Variants in DIPK2B observed in about 807,000 individuals in gnomAD.
DIPK2B encodes UPF0672 protein CXorf36.
A neutral mutation model predicts 22.2 loss-of-function variants in DIPK2B; 15 were observed. The observed-to-expected ratio is 0.68, with a 90% CI of 0.45 to 1.04. The LOEUF is 1.04. Among genes scored for constraint, DIPK2B ranks in the 50% least tolerant of loss-of-function variants. The probability of loss-of-function intolerance (pLI) is 0.00; values close to 1 mark genes in which losing one functional copy is unlikely to be tolerated. For missense variants in DIPK2B, 345 were observed against 348.3 expected, an observed-to-expected ratio of 0.99 and a Z score of 0.08; for synonymous variants, 163 against 153.2, an observed-to-expected ratio of 1.06 and a Z score of -0.47.
At chrX:45,194,317 T>C (rs867273410) in intron 1 of DIPK2B, among the ~76,000 whole-genome samples, 1 of 110,578 alleles carries the variant, frequency 9.0e-6, no homozygotes, top group Non-Finnish European at 1.9e-5. Flanking sequence ...TGGCGCAGTC[T>C]TGGTTCACTG....
chrX:45,162,307 T>C (rs1277921657), intron 2 of DIPK2B: 47 of 670,280 alleles, frequency 7.0e-5, no homozygotes, highest in Non-Finnish European at 7.8e-5. Flanking sequence ...TAAATGATTG[T>C]TGTTTTAAGC....
intron 2 of DIPK2B, among the ~76,000 whole-genome samples, chrX:45,179,008 C>T (rs755645892): frequency 2.1e-4 from 23 of 111,215 alleles, no homozygotes; most frequent in Admixed American, 5.8e-4. Flanking sequence ...ACAAACAAAG[C>T]CTAAAATCCA....
At chrX:45,156,922 TCTC>T (rs1259777925) in intron 3 of DIPK2B, among the ~76,000 whole-genome samples, 1 of 107,812 alleles carries the variant, frequency 9.3e-6, no homozygotes, top group Non-Finnish European at 1.9e-5. Context: ...TTCCTTTCCC[TCTC>T]CTCCTCTCCC....
Position 45,154,053 on chromosome X carries a change from C to A in DIPK2B, c.818G>T (p.Gly273Val), listed in dbSNP as rs760051105. 2.5e-6 allele frequency: 3 copies of A among 1,209,100 alleles called. No individual in the cohort carries two copies. Among genetic ancestry groups the A allele is most frequent in the African/African-American group, 3.5e-5 (2 of 56,869 alleles). Residue 273 changes from glycine to valine, a missense_variant, in exon 4 of 5, where the codon GGT (glycine) becomes GTT (valine). Coordinates refer to ENST00000398000, the MANE Select transcript of DIPK2B (RefSeq NM_176819.4). ...GTTGCTCCTCAAAGACTCCAGGACACCCAGGAGCTGGTAGGCAAGGTCGGC... is the reference window on the plus strand; with the variant it reads ...GTTGCTCCTCAAAGACTCCAGGACAACCAGGAGCTGGTAGGCAAGGTCGGC... ...QAADLAYQLL[G>V]VLESLRSNDL...
chrX:45,187,951 C>T (rs898745823), intron 2 of DIPK2B, among the ~76,000 whole-genome samples: 5 of 111,041 alleles, frequency 4.5e-5, no homozygotes, highest in African/African-American at 1.6e-4. Flanking sequence ...GAAAACGGCT[C>T]TTGAGGAAAT....
Position 45,154,357 on chromosome X carries a change from C to A in DIPK2B, c.673-159G>T, listed in dbSNP as rs151260724. Among the ~76,000 whole-genome samples the A allele has an allele frequency of 1.6e-3, 174 of 109,328 alleles. 2 individuals carry two copies. Among genetic ancestry groups the A allele is most frequent in the African/African-American group, 5.5e-3 (162 of 29,206 alleles). The allele number at this position is 109,328 out of a possible 115,157, so 94.9% of individuals were successfully genotyped here. A position where few individuals can be genotyped will look rare whatever the true frequency, so the allele number is the denominator to read the frequency against. On this transcript the variant is annotated intron_variant, in intron 3 of 4. Transcript: ENST00000398000. ...TCAATCATCTATATCTATCATCTAT[C>A]TCTATCATCTATCTATCTCTATCTA...
chrX:45,190,585 A>T lies in DIPK2B; in HGVS notation c.498+1166T>A, dbSNP rs182754114. On this transcript the variant is annotated intron_variant, in intron 2 of 4. Coordinates refer to ENST00000398000, the MANE Select transcript of DIPK2B (RefSeq NM_176819.4). Reference sequence around the variant, plus strand: ...TCTGATTCATCTTCGAATACCCAGGATGTTGCAGCACAGTTGATGAAACTT... The same window carrying T: ...TCTGATTCATCTTCGAATACCCAGGTTGTTGCAGCACAGTTGATGAAACTT... 7.1e-5 allele frequency among the ~76,000 whole-genome samples: 8 copies of T among 112,031 alleles called. No homozygotes were observed. The Admixed American group carries it at 7.5e-4, about 11-fold the overall frequency.
chrX:45,200,292 G>T (rs947283576), intron 1 of DIPK2B, among the ~76,000 whole-genome samples: 5 of 111,258 alleles, frequency 4.5e-5, no homozygotes, highest in African/African-American at 6.5e-5. Flanking sequence ...TTTATTTCCC[G>T]CCCACTGTGA....
chrX:45,196,175 T>G (rs2047238348), intron 1 of DIPK2B, among the ~76,000 whole-genome samples: 1 of 111,408 alleles, frequency 9.0e-6, no homozygotes, highest in African/African-American at 3.3e-5. Context: ...GATGGGTATT[T>G]AGATGTATAG....
At chrX:45,174,085 G>A (rs2047102992) in intron 2 of DIPK2B, among the ~76,000 whole-genome samples, 1 of 111,479 alleles carries the variant, frequency 9.0e-6, no homozygotes, top group Admixed American at 9.5e-5. Context: ...CGCAAAGCCC[G>A]GAAAGGCCTG....
At chrX:45,170,914 C>A (rs1569544842) in intron 2 of DIPK2B, among the ~76,000 whole-genome samples, 1 of 112,159 alleles carries the variant, frequency 8.9e-6, no homozygotes, top group Admixed American at 9.4e-5. Context: ...TCCATGAGAG[C>A]AGGTGCTGTG....
At chrX:45,174,513 C>T (rs745721627) in intron 2 of DIPK2B, among the ~76,000 whole-genome samples, 5 of 109,979 alleles carry the variant, frequency 4.5e-5, no homozygotes, top group Non-Finnish European at 7.6e-5. Flanking sequence ...GAAGAGAAAG[C>T]AGTAGGGAAA....
intron 2 of DIPK2B, among the ~76,000 whole-genome samples, chrX:45,174,839 TC>T (rs2047107639): frequency 9.0e-6 from 1 of 111,104 alleles, no homozygotes; most frequent in Non-Finnish European, 1.9e-5. Context: ...GCCATGTGTA[TC>T]CCCCCAAAAA....
chrX:45,162,722 A>G (rs1440021304), intron 2 of DIPK2B: 1 of 752,761 alleles, frequency 1.3e-6, no homozygotes, highest in East Asian at 1.5e-4. Flanking sequence ...GAAAAATAAA[A>G]AGATAACCAA....
chrX:45,179,232 G>T (rs2047135650), intron 2 of DIPK2B, among the ~76,000 whole-genome samples: 1 of 111,304 alleles, frequency 9.0e-6, no homozygotes, highest in Non-Finnish European at 1.9e-5. Flanking sequence ...TCTTGAGATT[G>T]CAAAATCCAG....
chrX:45,190,346 C>T (rs1335062936), intron 2 of DIPK2B, among the ~76,000 whole-genome samples: 1 of 111,713 alleles, frequency 9.0e-6, no homozygotes, highest in African/African-American at 3.3e-5. Flanking sequence ...GCCCTCTTCC[C>T]ACCTCAGTTT....
intron 2 of DIPK2B, chrX:45,191,518 C>T (rs1387913018): frequency 2.6e-6 from 1 of 391,525 alleles, no homozygotes; most frequent in African/African-American, 2.5e-5. Flanking sequence ...CGAATCGTCA[C>T]TGAGGATCAC....
At chrX:45,156,608 T>C (rs1254408154) in intron 3 of DIPK2B, among the ~76,000 whole-genome samples, 1 of 111,217 alleles carries the variant, frequency 9.0e-6, no homozygotes, top group Non-Finnish European at 1.9e-5. Context: ...TGCATTTGGG[T>C]TCTATTGCTG....
rs11451 is a variant in DIPK2B, at chrX:45,148,491, C to T, written c.*3161G>A. 0.3 allele frequency: 33,159 copies of T among 109,202 alleles called. 3,929 individuals carry two copies. Among genetic ancestry groups the T allele is most frequent in the Admixed American group, 0.47 (4,813 of 10,160 alleles). 9.0% of individuals were successfully genotyped at this position (109,202 alleles called of 1,213,427 possible). On this transcript the variant is annotated 3_prime_UTR_variant, in exon 5 of 5. Coordinates refer to ENST00000398000, the MANE Select transcript of DIPK2B (RefSeq NM_176819.4). ...GGAAGCTTCCAATCATGGTGGAAGG[C>T]GAAGGGGGAGCAGGTGTGTCACATG...
Sources: gnomAD v4.1 joint callset for allele counts (sites outside exome capture counted in the v4.1 genomes callset) on GRCh38, gnomAD v4.1.1 for gene constraint, MANE v1.5 for transcripts, NCBI Gene and HGNC (gene_info 2026-07-23, HGNC 2026-07-21) for gene names.